The following KHDRBS2 variants were observed in gnomAD, a reference collection of about 807,000 sequenced individuals.
KHDRBS2 encodes KH RNA binding domain containing, signal transduction associated 2.
KHDRBS2 carries 26 observed loss-of-function variants against 44.3 expected under a neutral mutation model. That is an observed-to-expected ratio of 0.59 (90% confidence interval 0.43 to 0.81). The LOEUF is 0.81. KHDRBS2 is among the 40% of genes least tolerant of loss of function. KHDRBS2 has a pLI of 0.00. For missense variants in KHDRBS2, 476 were observed against 433.1 expected (o/e 1.10, Z -0.88); for synonymous variants, 194 against 151.1 (o/e 1.28, Z -2.08).
chr6:61,798,197 C>A (rs1168962696), intron 6 of KHDRBS2, among the ~76,000 whole-genome samples: 1 of 152,034 alleles, frequency 6.6e-6, no homozygotes, highest in Non-Finnish European at 1.5e-5. Flanking sequence ...GTGAAAATAT[C>A]TCCATGAAGA....
At chr6:62,094,001 TC>T (rs1286433922) in intron 2 of KHDRBS2, among the ~76,000 whole-genome samples, 1 of 151,880 alleles carries the variant, frequency 6.6e-6, no homozygotes, top group Non-Finnish European at 1.5e-5. Context: ...AGTGCAGATA[TC>T]TTTTTGACAT....
chr6:61,629,252 G>A, the KHDRBS2 span, among the ~76,000 whole-genome samples: 2 of 152,050 alleles, frequency 1.3e-5, no homozygotes, highest in Non-Finnish European at 2.9e-5. Context: ...ATAGAACCAA[G>A]CAAAATTGCA....
intron 3 of KHDRBS2, among the ~76,000 whole-genome samples, chr6:62,038,902 A>G (rs1354855219): frequency 2.6e-5 from 4 of 152,034 alleles, no homozygotes; most frequent in African/African-American, 9.7e-5. Flanking sequence ...CCATTCCCAC[A>G]GGGTTTGACA....
intron 2 of KHDRBS2, among the ~76,000 whole-genome samples, chr6:62,123,286 T>A (rs985437495): frequency 5.3e-5 from 8 of 152,224 alleles, no homozygotes; most frequent in African/African-American, 1.9e-4. Flanking sequence ...ATTTTCTTAA[T>A]CCAGTCTATC....
At chr6:61,893,823 C>A (rs1364490903) in intron 6 of KHDRBS2, among the ~76,000 whole-genome samples, 2 of 151,870 alleles carry the variant, frequency 1.3e-5, no homozygotes, top group Non-Finnish European at 2.9e-5. Context: ...GGGTGCAGCA[C>A]ACCAACATGG....
intron 7 of KHDRBS2, among the ~76,000 whole-genome samples, chr6:61,713,652 G>A (rs2127551918): frequency 6.7e-6 from 1 of 149,058 alleles, no homozygotes; most frequent in East Asian, 2.0e-4. Flanking sequence ...TGAATCTCAA[G>A]CATATAGTAA....
intron 6 of KHDRBS2, among the ~76,000 whole-genome samples, chr6:61,851,095 A>G (rs1205288697): frequency 6.6e-6 from 1 of 152,042 alleles, no homozygotes. Flanking sequence ...TTTTTTCATT[A>G]TAGACTCTGC....
intron 7 of KHDRBS2, among the ~76,000 whole-genome samples, chr6:61,722,968 C>T (rs1772926625): frequency 1.3e-5 from 2 of 152,172 alleles, no homozygotes; most frequent in African/African-American, 2.4e-5. Context: ...CTTGGCCTCC[C>T]AAAGTGCTGG....
intron 2 of KHDRBS2, among the ~76,000 whole-genome samples, chr6:62,058,166 C>G (rs1790726523): frequency 6.6e-6 from 1 of 151,786 alleles, no homozygotes; most frequent in Admixed American, 6.6e-5. Context: ...AATACAACTA[C>G]TCTTTCACTT....
chr6:62,192,552 A>G (rs898463095), intron 1 of KHDRBS2, among the ~76,000 whole-genome samples: 7 of 152,074 alleles, frequency 4.6e-5, no homozygotes, highest in Non-Finnish European at 7.4e-5. Context: ...GTATTAATTT[A>G]TTTTCAAGAT....
intron 6 of KHDRBS2, among the ~76,000 whole-genome samples, chr6:61,802,679 G>T (rs775952295): frequency 6.6e-6 from 1 of 152,100 alleles, no homozygotes; most frequent in Non-Finnish European, 1.5e-5. Flanking sequence ...AAGTTCATTA[G>T]GGTTAAGGTA....
At chr6:61,844,710 A>C (rs1794111501) in intron 6 of KHDRBS2, among the ~76,000 whole-genome samples, 1 of 151,714 alleles carries the variant, frequency 6.6e-6, no homozygotes, top group East Asian at 1.9e-4. Context: ...TAAATGAAGG[A>C]GCTAATAGCA....
chr6:61,813,809 T>C (rs569509985), intron 6 of KHDRBS2: 33 of 404,118 alleles, frequency 8.2e-5, no homozygotes, highest in Admixed American at 2.3e-4. Flanking sequence ...TAGTGGTTAA[T>C]TATAACAAAG....
At chr6:62,060,172 C>T (rs888215588) in intron 2 of KHDRBS2, among the ~76,000 whole-genome samples, 1 of 151,546 alleles carries the variant, frequency 6.6e-6, no homozygotes, top group Non-Finnish European at 1.5e-5. Context: ...GAAAGTAATT[C>T]GTTTTGAAGG....
At chr6:62,070,906 A>G (rs910239802) in intron 2 of KHDRBS2, among the ~76,000 whole-genome samples, 8 of 152,138 alleles carry the variant, frequency 5.3e-5, no homozygotes, top group African/African-American at 1.9e-4. Flanking sequence ...ATCCTTGAGG[A>G]ATGGCCACAC....
intron 3 of KHDRBS2, among the ~76,000 whole-genome samples, chr6:62,028,348 A>C (rs1215839372): frequency 3.3e-5 from 5 of 152,142 alleles, no homozygotes; most frequent in East Asian, 1.9e-4. Context: ...ATAAGACTTA[A>C]GATTCCTATT....
At position 61,806,469 on chromosome 6, in the gene KHDRBS2, G is replaced by A. The variant is rs115130752; in HGVS notation, c.811-73705C>T. Among the ~76,000 whole-genome samples, 722 of 152,218 alleles carry A rather than the reference G, an allele frequency of 4.7e-3. 10 individuals are homozygous for A. Among genetic ancestry groups the A allele is most frequent in the African/African-American group, 0.016 (682 of 41,536 alleles). ...CCAGTCACAATTTGACTTCAACCACGTGAAGGATTTGAATCAAAATTGCTT... is the reference window on the plus strand; with the variant it reads ...CCAGTCACAATTTGACTTCAACCACATGAAGGATTTGAATCAAAATTGCTT... On this transcript the variant is annotated intron_variant, in intron 6 of 8. Coordinates refer to ENST00000281156, the MANE Select transcript of KHDRBS2 (RefSeq NM_152688.4).
intron 3 of KHDRBS2, among the ~76,000 whole-genome samples, chr6:62,005,500 T>A (rs1399668379): frequency 6.6e-6 from 1 of 151,890 alleles, no homozygotes; most frequent in Non-Finnish European, 1.5e-5. Context: ...AGAATATGAA[T>A]TTCCCTTGTA....
At chr6:61,959,879 C>T (rs1376174767) in intron 4 of KHDRBS2, among the ~76,000 whole-genome samples, 2 of 152,160 alleles carry the variant, frequency 1.3e-5, no homozygotes, top group Non-Finnish European at 2.9e-5. Context: ...TGGCTCCCTG[C>T]CTCTGTGCTC....
Sources: gnomAD v4.1 joint callset for allele counts (sites outside exome capture counted in the v4.1 genomes callset) on GRCh38, gnomAD v4.1.1 for gene constraint, MANE v1.5 for transcripts, NCBI Gene and HGNC (gene_info 2026-07-23, HGNC 2026-07-21) for gene names.